LAMA2: variants seen among roughly 807,000 people sequenced by gnomAD.
LAMA2 encodes the protein laminin subunit alpha 2, also known as laminin subunit alpha-2.
Under a neutral mutation model 364.8 loss-of-function variants are expected in LAMA2, and 269 were observed. The ratio of observed to expected loss-of-function variants is 0.74; its 90% CI spans 0.67 to 0.82. The LOEUF is 0.82. Among genes scored for constraint, LAMA2 ranks in the 40% least tolerant of loss-of-function variants. The probability of loss-of-function intolerance (pLI) is 0.00; values close to 1 mark genes in which losing one functional copy is unlikely to be tolerated. For synonymous variants in LAMA2, 1,379 were observed against 1,370.6 expected, an observed-to-expected ratio of 1.01 and a Z score of -0.14; for missense variants, 3,807 against 3,873.2, an observed-to-expected ratio of 0.98 and a Z score of 0.45.
At chr6:129,443,029 T>G in intron 43 of LAMA2, 34 bp from the exon 44 acceptor site, 3 of 1,534,482 alleles carry the variant, frequency 2.0e-6, no homozygotes, top group Non-Finnish European at 2.7e-6. Flanking sequence ...TTATAATTTT[T>G]TTTTGTTTTG....
intron 28 of LAMA2, among the ~76,000 whole-genome samples, chr6:129,326,588 T>C (rs1775298723): frequency 6.6e-6 from 1 of 151,454 alleles, no homozygotes; most frequent in Non-Finnish European, 1.5e-5. Flanking sequence ...CAGACAGTAA[T>C]TACAGTAATA....
chr6:129,013,229 A>G (rs1372519401), intron 1 of LAMA2, among the ~76,000 whole-genome samples: 1 of 152,038 alleles, frequency 6.6e-6, no homozygotes, highest in East Asian at 1.9e-4. Flanking sequence ...AGGTCAGGAG[A>G]TCGAGACCAT....
chr6:129,023,260 C>T (rs78182678), intron 1 of LAMA2, among the ~76,000 whole-genome samples: 3,200 of 152,182 alleles, frequency 0.021, 114 homozygotes, highest in African/African-American at 0.072. Context: ...CTTTTCACTC[C>T]ATCTTTCTTT....
In LAMA2 at chr6:129,028,411, G is replaced by A. The variant is rs554000866; in HGVS notation, c.113-21507G>A. 5.9e-5 allele frequency among the ~76,000 whole-genome samples: 9 copies of A among 151,874 alleles called. No individual in the cohort carries two copies. In the South Asian group the frequency reaches 6.2e-4, roughly 10 times the overall value. ...GTTTTCAATTTAGTTCAGGGAAAGA[G>A]GGATGATAAATATTATTATGAGTGT... On this transcript the variant is annotated intron_variant, in intron 1 of 64. Coordinates refer to ENST00000421865, the MANE Select transcript of LAMA2 (RefSeq NM_000426.4).
chr6:129,445,621 A>C (rs1338468075), intron 44 of LAMA2, 46 bp from the exon 45 acceptor site: 3 of 1,519,136 alleles, frequency 2.0e-6, no homozygotes, highest in Middle Eastern at 1.7e-4. Flanking sequence ...CTGTGTGTGC[A>C]CGTGTGTGCA....
In LAMA2 at chr6:129,401,442, G is replaced by A. The variant is rs568209107; in HGVS notation, c.5562+102G>A. 49 of 805,390 alleles carry A rather than the reference G, an allele frequency of 6.1e-5. 1 individual carries two copies. Among genetic ancestry groups the A allele is most frequent in the South Asian group, 5.9e-4 (43 of 72,914 alleles). The allele number at this position is 805,390 out of a possible 1,614,324, so 49.9% of individuals were successfully genotyped here. ...CAAATACTAGTACTTGTTTTCTTGT[G>A]GAGATAAAATTATTTTTGCATTATT... On this transcript the variant is annotated intron_variant, in intron 38 of 64. Transcript: ENST00000421865.
intron 1 of LAMA2, among the ~76,000 whole-genome samples, chr6:129,016,717 T>C (rs1385238521): frequency 6.6e-6 from 1 of 151,890 alleles, no homozygotes; most frequent in African/African-American, 2.4e-5. Context: ...ATGGGCAATA[T>C]TCTCTTTTGA....
chr6:128,883,491 AG>A, intron 1 of LAMA2, 134 bp downstream of exon 1: 1 of 1,427,276 alleles, frequency 7.0e-7, no homozygotes, highest in Admixed American at 2.0e-5. Flanking sequence ...CTGGGGCAAG[AG>A]GAACTTGAAG....
Position 129,475,438 on chromosome 6 carries a change from A to G in LAMA2, c.7451+37A>G, listed in dbSNP as rs886038294. 4.5e-6 allele frequency: 7 copies of G among 1,541,274 alleles called. No homozygotes were observed. The highest frequency in any genetic ancestry group is 6.2e-6 in the Non-Finnish European group (7 of 1,123,430). ...ATTTATGCATGCCTTCTTCGAGTGC[A>G]TGGGTTGGGTAAATGTGGCTTCTTA... On this transcript the variant is annotated intron_variant, in intron 53 of 64. Coordinates refer to ENST00000421865, the MANE Select transcript of LAMA2 (RefSeq NM_000426.4).
chr6:128,923,102 G>C lies in LAMA2; in HGVS notation c.112+39745G>C, dbSNP rs549262559. ...TTGGTACCAGTACCATGCTGTTTTG[G>C]TTACTGTAGCCTTGTAGTATAGTTT... On this transcript the variant is annotated intron_variant, in intron 1 of 64. Transcript: ENST00000421865. 6.0e-4 allele frequency among the ~76,000 whole-genome samples: 86 copies of C among 143,314 alleles called. 2 individuals are homozygous for C. Among genetic ancestry groups the C allele is most frequent in the African/African-American group, 2.2e-3 (84 of 38,326 alleles). 94.0% of individuals were successfully genotyped at this position (143,314 alleles called of 152,430 possible).
intron 9 of LAMA2, 70 bp downstream of exon 9, chr6:129,165,745 G>A: frequency 2.1e-6 from 2 of 938,114 alleles, no homozygotes; most frequent in African/African-American, 1.6e-5. Flanking sequence ...ATTATTTTCA[G>A]AAGAATATTT....
At chr6:129,376,190 G>A (rs770677320) in intron 34 of LAMA2, among the ~76,000 whole-genome samples, 2 of 152,022 alleles carry the variant, frequency 1.3e-5, no homozygotes, top group Non-Finnish European at 2.9e-5. Flanking sequence ...TCATGGTCTG[G>A]TCATCTGGAC....
At chr6:128,898,859 T>A (rs1776919712) in intron 1 of LAMA2, among the ~76,000 whole-genome samples, 1 of 152,184 alleles carries the variant, frequency 6.6e-6, no homozygotes, top group Admixed American at 6.5e-5. Context: ...CAGTAAAGAC[T>A]TTTTTTCCGT....
chr6:129,236,753 G>A (rs912926573), intron 12 of LAMA2, among the ~76,000 whole-genome samples: 5 of 151,704 alleles, frequency 3.3e-5, no homozygotes, highest in African/African-American at 1.2e-4. Context: ...ACACATATAA[G>A]TATATATATA....
intron 1 of LAMA2, among the ~76,000 whole-genome samples, chr6:129,028,373 T>C (rs1296241240): frequency 6.6e-6 from 1 of 151,804 alleles, no homozygotes; most frequent in Non-Finnish European, 1.5e-5. Context: ...TAGGCAGATA[T>C]ATTATTCAGC....
intron 9 of LAMA2, among the ~76,000 whole-genome samples, chr6:129,170,036 A>G (rs1780028971): frequency 6.6e-6 from 1 of 151,694 alleles, no homozygotes; most frequent in Non-Finnish European, 1.5e-5. Flanking sequence ...TATTGCATCT[A>G]TTAGATTCTT....
At chr6:129,245,169 G>A (rs1785665303) in intron 12 of LAMA2, among the ~76,000 whole-genome samples, 1 of 152,104 alleles carries the variant, frequency 6.6e-6, no homozygotes, top group Admixed American at 6.6e-5. Context: ...GAGGGAAAAG[G>A]CCAAGCCTTT....
chr6:129,067,992 A>G (rs1318224978), intron 3 of LAMA2, among the ~76,000 whole-genome samples: 1 of 152,182 alleles, frequency 6.6e-6, no homozygotes, highest in Non-Finnish European at 1.5e-5. Flanking sequence ...CTTACTATGT[A>G]CATGTTACTG....
intron 1 of LAMA2, among the ~76,000 whole-genome samples, chr6:129,022,616 A>G (rs1346181235): frequency 6.6e-6 from 1 of 152,196 alleles, no homozygotes; most frequent in Admixed American, 6.5e-5. Context: ...GGACAAAATC[A>G]ATAGATAGAT....
Sources: gnomAD v4.1 joint callset for allele counts (sites outside exome capture counted in the v4.1 genomes callset) on GRCh38, gnomAD v4.1.1 for gene constraint, MANE v1.5 for transcripts, NCBI Gene and HGNC (gene_info 2026-07-23, HGNC 2026-07-21) for gene names.